The following DACH2 variants were observed in gnomAD, a reference collection of about 807,000 sequenced individuals.
DACH2 encodes the protein dachshund homolog 2.
DACH2 carries 17 observed loss-of-function variants against 35.8 expected under a neutral mutation model. That is an observed-to-expected ratio of 0.48 (90% CI 0.33 to 0.71). DACH2 has a LOEUF of 0.71. Ranked by LOEUF, DACH2 falls within the 30% of genes least tolerant of loss-of-function variation. The pLI, the probability that DACH2 is intolerant of heterozygous loss-of-function variation, is 0.02. For missense variants in DACH2, 469 were observed against 472.7 expected (o/e 0.99, Z 0.07); for synonymous variants, 195 against 177.3 (o/e 1.10, Z -0.79).
intron 4 of DACH2, among the ~76,000 whole-genome samples, chrX:86,665,360 A>T (rs1285207941): frequency 3.6e-5 from 4 of 111,937 alleles, no homozygotes; most frequent in African/African-American, 1.3e-4. Flanking sequence ...ATTATCATAG[A>T]AGAGACAAAG....
At chrX:86,556,793 TATAGAGAG>T (rs1206592534) in intron 3 of DACH2, among the ~76,000 whole-genome samples, 16 of 33,046 alleles carry the variant, frequency 4.8e-4, no homozygotes, top group Non-Finnish European at 7.1e-4. Flanking sequence ...TATATATATA[TATAGAGAG>T]AGAGAGAGAG....
chrX:86,810,769 G>T (rs2042387268), intron 7 of DACH2, among the ~76,000 whole-genome samples: 1 of 110,975 alleles, frequency 9.0e-6, no homozygotes, highest in East Asian at 2.8e-4. Flanking sequence ...AAACCATGTA[G>T]CTGAATAAGG....
chrX:86,183,647 G>A (rs2031576922), intron 1 of DACH2, among the ~76,000 whole-genome samples: 1 of 111,295 alleles, frequency 9.0e-6, no homozygotes. Context: ...CTTTTTTGTT[G>A]TGTCTCTGCC....
intron 3 of DACH2, among the ~76,000 whole-genome samples, chrX:86,635,578 G>T (rs185177236): frequency 6.1e-4 from 68 of 111,328 alleles, no homozygotes; most frequent in Admixed American, 4.0e-3. Flanking sequence ...TAGAAAGAGA[G>T]GAGGTCAAGC....
chrX:86,347,475 A>G (rs1002925479), intron 1 of DACH2, among the ~76,000 whole-genome samples: 7 of 112,739 alleles, frequency 6.2e-5, no homozygotes, highest in Admixed American at 2.8e-4. Flanking sequence ...TTCTAATTAG[A>G]TACACATAAT....
chrX:86,555,420 G>T (rs1180493322), intron 3 of DACH2, among the ~76,000 whole-genome samples: 1 of 111,418 alleles, frequency 9.0e-6, no homozygotes, highest in Non-Finnish European at 1.9e-5. Context: ...TACGCTATCA[G>T]ATGTGCAGGC....
At chrX:86,726,247 G>A (rs2041468025) in intron 6 of DACH2, among the ~76,000 whole-genome samples, 1 of 110,999 alleles carries the variant, frequency 9.0e-6, no homozygotes, top group African/African-American at 3.3e-5. Flanking sequence ...TTAGGAGTGC[G>A]TGGAATTGTC....
chrX:86,776,101 G>A (rs2042029414), intron 7 of DACH2, among the ~76,000 whole-genome samples: 1 of 111,336 alleles, frequency 9.0e-6, no homozygotes, highest in Non-Finnish European at 1.9e-5. Context: ...AGGAGGTAAA[G>A]GAAATCACAT....
At chrX:86,708,859 A>G (rs1194177387) in intron 5 of DACH2, among the ~76,000 whole-genome samples, 1 of 111,657 alleles carries the variant, frequency 9.0e-6, no homozygotes, top group Non-Finnish European at 1.9e-5. Flanking sequence ...AATATATATA[A>G]GATGATTAGA....
At chrX:86,628,009 C>T (rs916360212) in intron 3 of DACH2, among the ~76,000 whole-genome samples, 6 of 111,940 alleles carry the variant, frequency 5.4e-5, no homozygotes, top group African/African-American at 1.9e-4. Context: ...GTAAAGTAGA[C>T]CGCTTCTAGA....
chrX:86,549,678 G>T lies in DACH2; in HGVS notation c.640+35287G>T, dbSNP rs187792566. On this transcript the variant is annotated intron_variant, in intron 3 of 11. Coordinates refer to ENST00000373125, the MANE Select transcript of DACH2 (RefSeq NM_053281.3). The stretch of plus-strand genomic sequence containing the variant: ...TTTTGTACCTGGAAAATCACTAAAA[G>T]TATAGTGAAAATGTAGTCAAAATTA... Among the ~76,000 whole-genome samples the T allele has an allele frequency of 2.1e-3, 230 of 110,592 alleles. 1 individual carries two copies. The highest frequency in any genetic ancestry group is 6.6e-3 in the Admixed American group (68 of 10,340).
chrX:86,281,033 A>T (rs1231878190), intron 1 of DACH2, among the ~76,000 whole-genome samples: 1 of 111,893 alleles, frequency 8.9e-6, no homozygotes, highest in African/African-American at 3.3e-5. Context: ...TCAATATTAG[A>T]CAGATCAATG....
At chrX:86,605,417 A>AT (rs1254822299) in intron 3 of DACH2, among the ~76,000 whole-genome samples, 8 of 108,393 alleles carry the variant, frequency 7.4e-5, no homozygotes, top group African/African-American at 1.0e-4. Context: ...GAGTTGGCAC[A>AT]TTTTTTTTTC....
intron 3 of DACH2, among the ~76,000 whole-genome samples, chrX:86,644,112 C>A (rs1478101323): frequency 9.0e-6 from 1 of 110,852 alleles, no homozygotes; most frequent in East Asian, 2.8e-4. Context: ...AAGTCCTAGC[C>A]AGAGCAATCA....
At chrX:86,247,338 C>A (rs2033306708) in intron 1 of DACH2, among the ~76,000 whole-genome samples, 1 of 110,741 alleles carries the variant, frequency 9.0e-6, no homozygotes, top group African/African-American at 3.3e-5. Flanking sequence ...CAAAGTTGGT[C>A]CTTTTAAAGA....
chrX:86,490,117 A>C (rs2038074154), intron 2 of DACH2, among the ~76,000 whole-genome samples: 1 of 111,936 alleles, frequency 8.9e-6, no homozygotes, highest in East Asian at 2.8e-4. Context: ...TCACTCTTTA[A>C]TTTATTTTGC....
intron 4 of DACH2, among the ~76,000 whole-genome samples, chrX:86,658,744 A>G (rs1426381192): frequency 8.9e-6 from 1 of 111,815 alleles, no homozygotes; most frequent in Non-Finnish European, 1.9e-5. Context: ...ATATAGTTAT[A>G]CAGTAGCAGA....
At chrX:86,308,220 A>G (rs1348903002) in intron 1 of DACH2, among the ~76,000 whole-genome samples, 1 of 112,720 alleles carries the variant, frequency 8.9e-6, no homozygotes, top group Admixed American at 9.4e-5. Flanking sequence ...GAAGAGCATT[A>G]TAGTTGTCCT....
intron 1 of DACH2, among the ~76,000 whole-genome samples, chrX:86,319,870 CAGA>C (rs957473835): frequency 9.0e-6 from 1 of 111,415 alleles, no homozygotes; most frequent in Non-Finnish European, 1.9e-5. Context: ...CACAGACAAA[CAGA>C]AGAAGATCCA....
Sources: gnomAD v4.1 joint callset for allele counts (sites outside exome capture counted in the v4.1 genomes callset) on GRCh38, gnomAD v4.1.1 for gene constraint, MANE v1.5 for transcripts, NCBI Gene and HGNC (gene_info 2026-07-23, HGNC 2026-07-21) for gene names.